The following FHIT variants were observed in gnomAD, a reference collection of about 807,000 sequenced individuals.
The protein encoded by FHIT is bis(5'-adenosyl)-triphosphatase.
FHIT carries 19 observed loss-of-function variants against 17.9 expected under a neutral mutation model. The observed-to-expected ratio is 1.06, with a 90% confidence interval of 0.74 to 1.56. The LOEUF is 1.56. Ranked by LOEUF, FHIT falls within the 40% of genes most tolerant of loss-of-function variation. The pLI, the probability that FHIT is intolerant of heterozygous loss-of-function variation, is 0.00. For synonymous variants in FHIT, 81 were observed against 69.7 expected, an observed-to-expected ratio of 1.16 and a Z score of -0.81; for missense variants, 248 against 189.2, an observed-to-expected ratio of 1.31 and a Z score of -1.82.
chr3:60,651,519 A>C (rs1318073796), intron 4 of FHIT, among the ~76,000 whole-genome samples: 1 of 151,586 alleles, frequency 6.6e-6, no homozygotes, highest in Admixed American at 6.6e-5. Context: ...AGAAAAAAGG[A>C]AAGCATTTTG....
intron 4 of FHIT, among the ~76,000 whole-genome samples, chr3:60,666,060 A>C (rs1159337128): frequency 6.6e-6 from 1 of 152,046 alleles, no homozygotes; most frequent in African/African-American, 2.4e-5. Context: ...TGTCCTTCCC[A>C]TTTTTCAATA....
intron 5 of FHIT, among the ~76,000 whole-genome samples, chr3:60,102,585 T>C (rs1422208992): frequency 6.6e-6 from 1 of 151,718 alleles, no homozygotes; most frequent in Non-Finnish European, 1.5e-5. Flanking sequence ...TGTAAATCCA[T>C]AGTTGGCTAT....
At chr3:60,003,869 T>G (rs1002264031) in intron 7 of FHIT, among the ~76,000 whole-genome samples, 1 of 152,020 alleles carries the variant, frequency 6.6e-6, no homozygotes, top group African/African-American at 2.4e-5. Flanking sequence ...TTTTTTTTTT[T>G]TTTTTAACAG....
intron 4 of FHIT, among the ~76,000 whole-genome samples, chr3:60,757,330 G>A (rs557101428): frequency 1.3e-5 from 2 of 152,304 alleles, no homozygotes; most frequent in East Asian, 1.9e-4. Context: ...AGAAGCAACT[G>A]ACTTTGTTTT....
intron 5 of FHIT, among the ~76,000 whole-genome samples, chr3:60,304,622 T>C (rs771048601): frequency 1.3e-5 from 2 of 152,128 alleles, no homozygotes; most frequent in East Asian, 3.9e-4. Context: ...AAGCAGTTAA[T>C]CTTTAGATAA....
chr3:61,052,480 T>A (rs1227237212), intron 2 of FHIT, among the ~76,000 whole-genome samples: 1 of 152,228 alleles, frequency 6.6e-6, no homozygotes. Flanking sequence ...ATGAATGAAC[T>A]GTGATGGAGG....
intron 4 of FHIT, among the ~76,000 whole-genome samples, chr3:60,765,310 C>T (rs781947965): frequency 1.3e-5 from 2 of 152,198 alleles, no homozygotes; most frequent in Admixed American, 1.3e-4. Flanking sequence ...CACCAAGAGA[C>T]TGGACCTTCT....
chr3:60,553,265 C>G (rs2036619319), intron 4 of FHIT: 1 of 241,686 alleles, frequency 4.1e-6, no homozygotes, highest in East Asian at 1.8e-4. Flanking sequence ...AATCAGTTAG[C>G]CTATGGTCAA....
intron 5 of FHIT, among the ~76,000 whole-genome samples, chr3:60,043,950 C>A (rs1311340405): frequency 1.3e-5 from 2 of 152,156 alleles, no homozygotes; most frequent in Admixed American, 6.5e-5. Flanking sequence ...AACGACAGGC[C>A]AACGTGGTGA....
At chr3:60,986,383 T>C (rs1381325530) in intron 3 of FHIT, among the ~76,000 whole-genome samples, 1 of 152,228 alleles carries the variant, frequency 6.6e-6, no homozygotes, top group Non-Finnish European at 1.5e-5. Context: ...ATTGCTTTAA[T>C]TCTATGTACA....
At chr3:60,948,846 A>C (rs1708749177) in intron 3 of FHIT, among the ~76,000 whole-genome samples, 1 of 152,200 alleles carries the variant, frequency 6.6e-6, no homozygotes, top group Admixed American at 6.5e-5. Flanking sequence ...AAAACCACTT[A>C]CAGATGAAGC....
rs1414503924 is a variant in FHIT at position 59,943,274 on chromosome 3, ACAGAGT to A, written c.280-20866_280-20861del. Among the ~76,000 whole-genome samples, 17 of 152,148 alleles carry A rather than the reference ACAGAGT, an allele frequency of 1.1e-4. No individual in the cohort carries two copies. The East Asian group carries it at 2.9e-3, about 26-fold the overall frequency. On this transcript the variant is annotated intron_variant, in intron 7 of 9. Coordinates refer to ENST00000492590, the MANE Select transcript of FHIT (RefSeq NM_002012.4). ...GTGAGCGCCCACCATTTGCAGGTTG[ACAGAGT>A]CAATTTTTTTTTTAAACCTGGGCTC... is the stretch of plus-strand genomic sequence containing the variant.
At chr3:61,083,904 G>A (rs1292084024) in intron 2 of FHIT, among the ~76,000 whole-genome samples, 2 of 152,084 alleles carry the variant, frequency 1.3e-5, no homozygotes, top group Non-Finnish European at 2.9e-5. Context: ...CCATTCATCA[G>A]TTGATGGTCA....
chr3:61,184,421 T>C (rs902658069), intron 2 of FHIT, among the ~76,000 whole-genome samples: 6 of 152,108 alleles, frequency 3.9e-5, no homozygotes, highest in African/African-American at 1.4e-4. Flanking sequence ...AAAGCTGACC[T>C]GCTAGAGAGT....
intron 5 of FHIT, among the ~76,000 whole-genome samples, chr3:60,015,566 T>TGCTTTTTC (rs1469782273): frequency 6.6e-6 from 1 of 152,218 alleles, no homozygotes; most frequent in East Asian, 1.9e-4. Context: ...CCCACGAAGC[T>TGCTTTTTC]GCTTTTTCTG....
At chr3:59,869,670 T>G (rs1047491355) in intron 8 of FHIT, among the ~76,000 whole-genome samples, 1 of 150,852 alleles carries the variant, frequency 6.6e-6, no homozygotes, top group African/African-American at 2.4e-5. Context: ...TTTGTATTTT[T>G]AGTAGAGACA....
At position 60,433,948 on chromosome 3, in the gene FHIT, G is replaced by A. The variant is rs115534058; in HGVS notation, c.103+102912C>T. Among the ~76,000 whole-genome samples the A allele has an allele frequency of 5.3e-3, 810 of 152,078 alleles. 9 individuals carry two copies. Among genetic ancestry groups the A allele is most frequent in the African/African-American group, 0.019 (779 of 41,496 alleles). Reference sequence around the variant, plus strand: ...GTAGTTTCAATTGTCTATTTTTGGTGCCTGTGATTTCGGTGTCCTATCCAA... The same window carrying A: ...GTAGTTTCAATTGTCTATTTTTGGTACCTGTGATTTCGGTGTCCTATCCAA... On this transcript the variant is annotated intron_variant, in intron 5 of 9. Transcript: ENST00000492590.
chr3:60,914,717 T>C (rs1269378284), intron 3 of FHIT, among the ~76,000 whole-genome samples: 2 of 152,210 alleles, frequency 1.3e-5, no homozygotes, highest in Non-Finnish European at 2.9e-5. Flanking sequence ...CATAAGCTAT[T>C]TGTGGAATCC....
chr3:60,253,987 T>C (rs904717650), intron 5 of FHIT, among the ~76,000 whole-genome samples: 2 of 152,194 alleles, frequency 1.3e-5, no homozygotes, highest in South Asian at 2.1e-4. Context: ...AAACCTACAA[T>C]TGGTTGCAAG....
Sources: allele counts gnomAD v4.1 joint callset (sites outside exome capture counted in the v4.1 genomes callset), GRCh38; gene constraint gnomAD v4.1.1; transcripts MANE v1.5; gene names NCBI Gene and HGNC (gene_info 2026-07-23, HGNC 2026-07-21).